UNKL: variants seen among roughly 807,000 people sequenced by gnomAD.
UNKL encodes the protein unk like zinc finger.
A neutral mutation model predicts 78.0 loss-of-function variants in UNKL; 60 were observed. The observed-to-expected ratio is 0.77, with a 90% confidence interval of 0.63 to 0.95. The LOEUF (loss-of-function observed/expected upper bound fraction) is 0.95, where lower values mean the gene tolerates loss of function less well. Ranked by LOEUF, UNKL falls within the 40% of genes least tolerant of loss-of-function variation. The pLI, the probability that UNKL is intolerant of heterozygous loss-of-function variation, is 0.00. For missense variants in UNKL, 1,159 were observed against 1,045.7 expected (o/e 1.11, Z -1.49); for synonymous variants, 608 against 474.8 (o/e 1.28, Z -3.65).
chr16:1,383,032 G>T (rs1424237930), intron 10 of UNKL, among the ~76,000 whole-genome samples: 3 of 151,350 alleles, frequency 2.0e-5, no homozygotes, highest in African/African-American at 7.3e-5. Flanking sequence ...GGCCCAGGCG[G>T]GCAGATCACG....
At chr16:1,414,172 C>T in intron 1 of UNKL, 117 bp from the exon 2 acceptor site, 3 of 1,064,978 alleles carry the variant, frequency 2.8e-6, no homozygotes, top group Non-Finnish European at 4.0e-6. Context: ...CCCGTACTCA[C>T]ATTCCCGGCG....
intron 8 of UNKL, among the ~76,000 whole-genome samples, chr16:1,391,711 A>G (rs1299097310): frequency 6.6e-6 from 1 of 151,400 alleles, no homozygotes; most frequent in Non-Finnish European, 1.5e-5. Context: ...TTTCTGAGAC[A>G]AAGTCTCACT....
At chr16:1,379,001 C>T (rs1173075047) in intron 10 of UNKL, 2 of 152,264 alleles carry the variant, frequency 1.3e-5, no homozygotes, top group Non-Finnish European at 2.9e-5. Context: ...CTAGGTGAGG[C>T]TGGTCACCTA....
At chr16:1,394,547 G>A (rs1242568137) in intron 6 of UNKL, 6 of 511,408 alleles carry the variant, frequency 1.2e-5, no homozygotes, top group Non-Finnish European at 2.3e-5. Context: ...CCTAATAAGT[G>A]CCTATTAAAA....
Position 1,364,508 on chromosome 16 carries a change from G to A in UNKL, c.*1732C>T, listed in dbSNP as rs182586418. ...GAGAGCCAGGTCGCCGTAAACCACA[G>A]ATGCCTGTTCCTGCTCAACTCCTAG... On this transcript the variant is annotated 3_prime_UTR_variant, in exon 15 of 15. Transcript: ENST00000389221. 1 of 152,256 alleles carries A rather than the reference G, an allele frequency of 6.6e-6. No homozygotes were observed. The highest frequency in any genetic ancestry group is 1.9e-4 in the East Asian group (1 of 5,196). 9.4% of individuals were successfully genotyped at this position (152,256 alleles called of 1,614,324 possible).
At position 1,371,541 on chromosome 16, in the gene UNKL, G is replaced by A. The variant is rs371662258; in HGVS notation, c.1335C>T (p.Asp445=). ...ASLEKDLEEQ[D]GHDLGAAGPR... ...CACCTGCTGCTCCCAGGTCGTGGCC[G>A]TCTTGCTCTTCCAGGTCCTTCTCTA... The change falls in exon 11 of 15, where the codon GAC becomes GAT. Residue 445 remains aspartate, a synonymous_variant. Coordinates refer to ENST00000389221, the MANE Select transcript of UNKL (RefSeq NM_001372107.1). The A allele has an allele frequency of 1.5e-5, 23 of 1,536,090 alleles. No homozygotes were observed. Among genetic ancestry groups the A allele is most frequent in the East Asian group, 2.4e-5 (1 of 40,938 alleles).
chr16:1,369,033 A>G (rs1230265711), intron 12 of UNKL, among the ~76,000 whole-genome samples: 2 of 144,772 alleles, frequency 1.4e-5, no homozygotes, highest in Non-Finnish European at 3.0e-5. Flanking sequence ...GGCTTGAGCC[A>G]CTATGTTGGC....
intron 2 of UNKL, among the ~76,000 whole-genome samples, chr16:1,406,778 C>T (rs1466473736): frequency 2.0e-5 from 3 of 152,068 alleles, no homozygotes; most frequent in Non-Finnish European, 4.4e-5. Context: ...CTTTCACCTA[C>T]GCCTTAGGTC....
At chr16:1,379,567 C>G in intron 10 of UNKL, 1 of 985,368 alleles carries the variant, frequency 1.0e-6, no homozygotes, top group Non-Finnish European at 1.2e-6. Context: ...GGGCCCGCTC[C>G]TGACCGCCGA....
chr16:1,379,762 G>A (rs2036523459), intron 10 of UNKL: 1 of 867,966 alleles, frequency 1.2e-6, no homozygotes, highest in African/African-American at 1.8e-5. Flanking sequence ...CACTGGCCAC[G>A]CCCCCCGCGC....
intron 12 of UNKL, among the ~76,000 whole-genome samples, chr16:1,368,917 G>A (rs1055431332): frequency 6.6e-6 from 1 of 151,720 alleles, no homozygotes; most frequent in African/African-American, 2.4e-5. Flanking sequence ...TTAAAATTTT[G>A]TATTTTTTTG....
rs2037424320 is a variant in UNKL, at chr16:1,399,557, G to C, written c.599-48C>G. 1.9e-6 allele frequency: 3 copies of C among 1,557,436 alleles called. No homozygotes were observed. The highest frequency in any genetic ancestry group is 2.6e-6 in the Non-Finnish European group (3 of 1,154,764). ...CCTGAGCAGCGCGACTGGAAGCAAT[G>C]CTGGGCAGAGGAGACCAAAGGTGGA... On this transcript the variant is annotated intron_variant, in intron 4 of 14. Coordinates refer to ENST00000389221, the MANE Select transcript of UNKL (RefSeq NM_001372107.1). This position sits in a 1 kb window ranked among gnomAD's most constrained non-coding sequence, Gnocchi z 5.8.
At chr16:1,371,157 T>C (rs2035800305) in intron 11 of UNKL, among the ~76,000 whole-genome samples, 1 of 152,016 alleles carries the variant, frequency 6.6e-6, no homozygotes. Context: ...ACATTTATCC[T>C]TCGGGGACCA....
At position 1,366,030 on chromosome 16, in the gene UNKL, G is replaced by T; in HGVS notation, c.*210C>A. ...TTGAGGAAAATACCTTGAAACCGTC[G>T]GTAGGACTAGATAGGTGACAACGTG... On this transcript the variant is annotated 3_prime_UTR_variant, in exon 15 of 15. Coordinates refer to ENST00000389221, the MANE Select transcript of UNKL (RefSeq NM_001372107.1). 2.0e-6 allele frequency: 1 copy of T among 496,066 alleles called. No individual in the cohort carries two copies. The highest frequency in any genetic ancestry group is 3.4e-6 in the Non-Finnish European group (1 of 297,502). 30.7% of individuals were successfully genotyped at this position (496,066 alleles called of 1,614,324 possible). A position where few individuals can be genotyped will look rare whatever the true frequency, so the allele number is the denominator to read the frequency against.
Position 1,404,987 on chromosome 16 carries a change from G to A in UNKL, c.288-1643C>T, listed in dbSNP as rs572575997. Among the ~76,000 whole-genome samples the A allele has an allele frequency of 2.0e-5, 3 of 152,140 alleles. No homozygotes were observed. In the South Asian group the frequency reaches 6.2e-4, roughly 32 times the overall value. On this transcript the variant is annotated intron_variant, in intron 2 of 14. Coordinates refer to ENST00000389221, the MANE Select transcript of UNKL (RefSeq NM_001372107.1). Reference sequence around the variant, plus strand: ...GACAGGAGGATTGCTTGAGGCTAGGGGTTCAAGACTAGCCTGGGCAACATG... The same window carrying A: ...GACAGGAGGATTGCTTGAGGCTAGGAGTTCAAGACTAGCCTGGGCAACATG...
At chr16:1,401,863 C>T (rs552112037) in intron 3 of UNKL, among the ~76,000 whole-genome samples, 162 bp from the exon 4 acceptor site, 25 of 152,276 alleles carry the variant, frequency 1.6e-4, no homozygotes, top group African/African-American at 2.6e-4. Context: ...TGTCCTGGCC[C>T]GCAGTCCTCA....
chr16:1,406,167 C>A (rs2142242800), intron 2 of UNKL: 3 of 401,862 alleles, frequency 7.5e-6, no homozygotes, highest in South Asian at 5.1e-5. Context: ...ACTGAAACAG[C>A]TGGGGGTGAT....
At chr16:1,390,827 C>T (rs965375252) in intron 8 of UNKL, 133 bp from the exon 9 acceptor site, 50 of 892,698 alleles carry the variant, frequency 5.6e-5, no homozygotes, top group Non-Finnish European at 7.8e-5. Context: ...CTCAGGAGTT[C>T]GAGACCAGCC....
At chr16:1,394,725 C>A (rs1301618257) in intron 6 of UNKL, among the ~76,000 whole-genome samples, 2 of 152,012 alleles carry the variant, frequency 1.3e-5, no homozygotes, top group Non-Finnish European at 2.9e-5. Flanking sequence ...CCGTAGCTCT[C>A]CGTAAAGGAC....
Sources: allele counts gnomAD v4.1 joint callset (sites outside exome capture counted in the v4.1 genomes callset), GRCh38; gene constraint gnomAD v4.1.1; non-coding constraint Gnocchi (gnomAD v3.1); transcripts MANE v1.5; gene names NCBI Gene and HGNC (gene_info 2026-07-23, HGNC 2026-07-21).